Variants in LRMDA observed in about 807,000 individuals in gnomAD.
The protein encoded by LRMDA is leucine rich melanocyte differentiation associated, also known as leucine-rich melanocyte differentiation-associated protein.
LRMDA carries 18 observed loss-of-function variants against 29.8 expected under a neutral mutation model. The ratio of observed to expected loss-of-function variants is 0.60; its 90% CI spans 0.42 to 0.90. LRMDA has a LOEUF of 0.90. LRMDA is among the 40% of genes least tolerant of loss of function. LRMDA has a pLI of 0.00. For missense variants in LRMDA, 273 were observed against 273.9 expected (o/e 1.00, Z 0.02); for synonymous variants, 125 against 109.4 (o/e 1.14, Z -0.89).
intron 2 of LRMDA, among the ~76,000 whole-genome samples, chr10:75,877,245 C>G (rs1011257815): frequency 2.6e-5 from 4 of 152,230 alleles, no homozygotes; most frequent in African/African-American, 9.6e-5. Flanking sequence ...ATGAGCTAAA[C>G]TGACTTTGTT....
chr10:76,143,536 GTTGT>G (rs1190797576), intron 5 of LRMDA, among the ~76,000 whole-genome samples: 1 of 151,898 alleles, frequency 6.6e-6, no homozygotes, highest in Admixed American at 6.6e-5. Context: ...TTTTGATGGG[GTTGT>G]TTGTTTTTTT....
intron 5 of LRMDA, among the ~76,000 whole-genome samples, chr10:76,213,460 C>T (rs764059324): frequency 5.3e-5 from 8 of 152,218 alleles, no homozygotes; most frequent in Non-Finnish European, 1.0e-4. Context: ...GATTTCTCTT[C>T]AATGGCACAG....
At chr10:75,510,480 G>A (rs1356598233) in intron 2 of LRMDA, among the ~76,000 whole-genome samples, 2 of 152,228 alleles carry the variant, frequency 1.3e-5, no homozygotes, top group Non-Finnish European at 1.5e-5. Context: ...GGTGTTAATG[G>A]TTGCTTAAGA....
intron 2 of LRMDA, among the ~76,000 whole-genome samples, chr10:75,991,225 C>T (rs1847364553): frequency 6.6e-6 from 1 of 152,114 alleles, no homozygotes; most frequent in Non-Finnish European, 1.5e-5. Flanking sequence ...TGCATAATTG[C>T]TGGCTGTCGA....
intron 6 of LRMDA, among the ~76,000 whole-genome samples, chr10:76,353,499 T>C (rs1161787641): frequency 1.3e-5 from 2 of 152,124 alleles, no homozygotes; most frequent in Admixed American, 6.5e-5. Flanking sequence ...CTCTCCACAT[T>C]GTCAGGAACA....
chr10:75,991,998 G>A (rs933635372), intron 2 of LRMDA, among the ~76,000 whole-genome samples: 6 of 152,170 alleles, frequency 3.9e-5, no homozygotes, highest in Admixed American at 6.5e-5. Context: ...TATTTGGATC[G>A]ATGATGATTG....
At chr10:76,081,230 C>T (rs1235385984) in intron 5 of LRMDA, among the ~76,000 whole-genome samples, 2 of 152,158 alleles carry the variant, frequency 1.3e-5, no homozygotes, top group African/African-American at 4.8e-5. Context: ...AATCCCAGCA[C>T]TTTGGGAGGC....
At chr10:75,746,589 A>T (rs1254032502) in intron 2 of LRMDA, among the ~76,000 whole-genome samples, 1 of 152,236 alleles carries the variant, frequency 6.6e-6, no homozygotes, top group Non-Finnish European at 1.5e-5. Context: ...TCTAGAGCTA[A>T]GTCATTGTTT....
intron 5 of LRMDA, among the ~76,000 whole-genome samples, chr10:76,219,054 G>T (rs1419463459): frequency 6.6e-6 from 1 of 152,146 alleles, no homozygotes; most frequent in Non-Finnish European, 1.5e-5. Flanking sequence ...AAGGCACTGG[G>T]AGAATGCAAT....
At chr10:75,690,994 TACAC>T (rs3041682) in intron 2 of LRMDA, among the ~76,000 whole-genome samples, 8,344 of 99,922 alleles carry the variant, frequency 0.084, 407 homozygotes, top group South Asian at 0.12. Flanking sequence ...TATATATATA[TACAC>T]ACACACACAC....
chr10:75,436,073 AAGAGAG>A (rs10536787), intron 1 of LRMDA, among the ~76,000 whole-genome samples: 47 of 146,966 alleles, frequency 3.2e-4, no homozygotes, highest in Non-Finnish European at 6.4e-4. Flanking sequence ...AAAAAAAAAA[AAGAGAG>A]AGAGAAATCT....
intron 2 of LRMDA, among the ~76,000 whole-genome samples, chr10:75,646,426 TATA>T (rs1342184455): frequency 1.3e-5 from 2 of 152,228 alleles, no homozygotes; most frequent in East Asian, 3.8e-4. Flanking sequence ...TCTTGCCTTC[TATA>T]ATATCACTTT....
intron 2 of LRMDA, among the ~76,000 whole-genome samples, chr10:75,821,342 A>T (rs972030442): frequency 6.6e-6 from 1 of 152,264 alleles, no homozygotes; most frequent in African/African-American, 2.4e-5. Context: ...TATTCCAGGG[A>T]TGCAAGATTG....
At chr10:76,079,552 C>T (rs1415622037) in intron 5 of LRMDA, among the ~76,000 whole-genome samples, 1 of 152,104 alleles carries the variant, frequency 6.6e-6, no homozygotes. Flanking sequence ...TGGAAAAAGG[C>T]TTGGAGCCCC....
chr10:75,528,957 G>T (rs1461701179), intron 2 of LRMDA, among the ~76,000 whole-genome samples: 1 of 152,098 alleles, frequency 6.6e-6, no homozygotes, highest in South Asian at 2.1e-4. Context: ...AAATGTACAG[G>T]AGGCAATTTT....
chr10:75,769,103 A>C (rs1288903861), intron 2 of LRMDA, among the ~76,000 whole-genome samples: 2 of 152,230 alleles, frequency 1.3e-5, no homozygotes, highest in East Asian at 3.8e-4. Flanking sequence ...CAGAAATTGC[A>C]ATCAGAGGTT....
intron 1 of LRMDA, among the ~76,000 whole-genome samples, chr10:75,437,053 C>T (rs999490826): frequency 1.3e-5 from 2 of 152,250 alleles, no homozygotes; most frequent in Non-Finnish European, 1.5e-5. Flanking sequence ...TATTTTCTCT[C>T]CTCCTAGAAT....
intron 2 of LRMDA, among the ~76,000 whole-genome samples, chr10:75,646,109 GAATAAATA>G (rs746849658): frequency 1.3e-5 from 2 of 148,216 alleles, no homozygotes; most frequent in African/African-American, 5.0e-5. Context: ...TTTTCCTATG[GAATAAATA>G]AATAAATAAA....
chr10:76,107,815 G>C (rs4411231), intron 5 of LRMDA, among the ~76,000 whole-genome samples: 48,963 of 151,788 alleles, frequency 0.32, 8,610 homozygotes, highest in East Asian at 0.65. Flanking sequence ...GTGCATGTTT[G>C]TTACATAGGT....
Sources: gnomAD v4.1 joint callset for allele counts (sites outside exome capture counted in the v4.1 genomes callset) on GRCh38, gnomAD v4.1.1 for gene constraint, MANE v1.5 for transcripts, NCBI Gene and HGNC (gene_info 2026-07-23, HGNC 2026-07-21) for gene names.